Variants in SVIL observed in about 807,000 individuals in gnomAD.
The protein encoded by SVIL is supervillin.
A neutral mutation model predicts 240.4 loss-of-function variants in SVIL; 101 were observed. That is an observed-to-expected ratio of 0.42 (90% confidence interval 0.36 to 0.50). The LOEUF is 0.50. Ranked by LOEUF, SVIL falls within the 20% of genes least tolerant of loss-of-function variation. SVIL has a pLI of 0.01. For missense variants in SVIL, 2,512 were observed against 2,818.7 expected (o/e 0.89, Z 2.46); for synonymous variants, 999 against 1,100.0 (o/e 0.91, Z 1.82).
intron 4 of SVIL, 27 bp from the exon 5 acceptor site, chr10:29,554,961 G>A: frequency 6.2e-7 from 1 of 1,608,984 alleles, no homozygotes; most frequent in Non-Finnish European, 8.5e-7. Flanking sequence ...AAGAGGCAGA[G>A]TGAGCAACAG....
At chr10:29,526,330 G>A in intron 13 of SVIL, among the ~76,000 whole-genome samples, 1 of 111,982 alleles carries the variant, frequency 8.9e-6, no homozygotes, top group South Asian at 2.7e-4. Context: ...TTTTGAGACA[G>A]AGTCTTGCTC....
chr10:29,727,741 A>G (rs1435974077), intron 1 of SVIL, among the ~76,000 whole-genome samples: 3 of 21,904 alleles, frequency 1.4e-4, no homozygotes, highest in African/African-American at 3.7e-4. Flanking sequence ...TCGTGAACAC[A>G]AAAAAAAAAA....
At chr10:29,704,112 T>C (rs190004845) in intron 1 of SVIL, among the ~76,000 whole-genome samples, 1 of 152,240 alleles carries the variant, frequency 6.6e-6, no homozygotes, top group East Asian at 1.9e-4. Context: ...CTCAGGTGGG[T>C]TCTTGAACTG....
chr10:29,517,150 A>G (rs1310703737), intron 16 of SVIL, among the ~76,000 whole-genome samples: 1 of 152,020 alleles, frequency 6.6e-6, no homozygotes, highest in Non-Finnish European at 1.5e-5. Flanking sequence ...GGTGGCTCAC[A>G]CCTGTAATCC....
chr10:29,532,693 C>T lies in SVIL; in HGVS notation c.1674G>A (p.Gln558=). The T allele has an allele frequency of 1.9e-6, 3 of 1,614,212 alleles. No homozygotes were observed. Among genetic ancestry groups the T allele is most frequent in the Non-Finnish European group, 2.5e-6 (3 of 1,180,042 alleles). The stretch of plus-strand genomic sequence containing the variant: ...AAGCTGGGTCCTTATACTTCAAGGC[C>T]TGGAGCTGAGGGGGGCCTGTGAAAT... ...LSDFTGPPQL[Q]ALKYKDPASR... The change falls in exon 8 of 38, where the codon CAG becomes CAA. Residue 558 remains glutamine (Q), a synonymous_variant. Coordinates refer to ENST00000355867, the MANE Select transcript of SVIL (RefSeq NM_021738.3).
chr10:29,555,274 T>C (rs1006655830), intron 3 of SVIL, among the ~76,000 whole-genome samples, 166 bp from the exon 4 acceptor site: 24 of 151,718 alleles, frequency 1.6e-4, no homozygotes, highest in African/African-American at 5.8e-4. Flanking sequence ...AACTGTTTCC[T>C]AGTAGGGGAG....
At chr10:29,705,243 A>G (rs1482277498) in intron 1 of SVIL, among the ~76,000 whole-genome samples, 1 of 152,208 alleles carries the variant, frequency 6.6e-6, no homozygotes, top group East Asian at 1.9e-4. Flanking sequence ...ATTCACGGAC[A>G]AAAGGATAAA....
At chr10:29,598,285 G>T (rs1956674332) in intron 1 of SVIL, among the ~76,000 whole-genome samples, 1 of 152,160 alleles carries the variant, frequency 6.6e-6, no homozygotes, top group South Asian at 2.1e-4. Context: ...TTGGGAGATG[G>T]ATGGGGATGG....
chr10:29,674,582 G>T (rs1466205113), intron 2 of SVIL, among the ~76,000 whole-genome samples: 1 of 152,158 alleles, frequency 6.6e-6, no homozygotes, highest in African/African-American at 2.4e-5. Flanking sequence ...AAATAAATAA[G>T]AATGTCTCGC....
At chr10:29,549,278 C>T (rs61846600) in intron 6 of SVIL, among the ~76,000 whole-genome samples, 1 of 145,426 alleles carries the variant, frequency 6.9e-6, no homozygotes. Context: ...AAAATGCTCA[C>T]CATCACTGGC....
intron 6 of SVIL, chr10:29,545,074 G>A (rs2368392): frequency 0.28 from 151,988 of 533,674 alleles, 22,322 homozygotes; most frequent in African/African-American, 0.36. Context: ...ACACGAGAGC[G>A]TGGAAGGTCA....
intron 33 of SVIL, 152 bp from the exon 34 acceptor site, chr10:29,465,902 G>T (rs2132287321): frequency 1.1e-6 from 1 of 924,106 alleles, no homozygotes; most frequent in Non-Finnish European, 1.6e-6. Context: ...GCCTTTTCAA[G>T]TGCAATAGTA....
intron 1 of SVIL, among the ~76,000 whole-genome samples, chr10:29,604,559 T>TTTAC (rs1441411759): frequency 6.6e-6 from 1 of 150,436 alleles, no homozygotes. Context: ...TATTTATTTA[T>TTTAC]TTACTTACTT....
At chr10:29,498,650 A>C (rs1948642239) in intron 18 of SVIL, among the ~76,000 whole-genome samples, 1 of 152,190 alleles carries the variant, frequency 6.6e-6, no homozygotes, top group African/African-American at 2.4e-5. Context: ...CAGAACCTAC[A>C]CAAAAAACAT....
chr10:29,731,816 T>C (rs1964637305), intron 1 of SVIL, among the ~76,000 whole-genome samples: 1 of 152,230 alleles, frequency 6.6e-6, no homozygotes, highest in Non-Finnish European at 1.5e-5. Context: ...CCTTGTTTAC[T>C]GAACAAAGGC....
chr10:29,621,471 C>A (rs1436047793), intron 1 of SVIL, among the ~76,000 whole-genome samples: 4 of 152,246 alleles, frequency 2.6e-5, no homozygotes, highest in Non-Finnish European at 5.9e-5. Context: ...GGCTACCCCG[C>A]AGCGGGCCAA....
chr10:29,472,963 C>T (rs1217801432), intron 30 of SVIL, among the ~76,000 whole-genome samples: 3 of 152,100 alleles, frequency 2.0e-5, no homozygotes, highest in Non-Finnish European at 4.4e-5. Context: ...GGTAACATTT[C>T]AACAGAAACC....
At chr10:29,471,409 A>C (rs1417533085) in intron 30 of SVIL, among the ~76,000 whole-genome samples, 166 bp from the exon 31 acceptor site, 1 of 152,124 alleles carries the variant, frequency 6.6e-6, no homozygotes, top group African/African-American at 2.4e-5. Context: ...TGCCGTGTGC[A>C]GCCTCCTCTC....
rs61107910 is a variant in SVIL at position 29,714,948 on chromosome 10, T to TAA, written c.-400+20801_-400+20802dup. ...AACAAAGAAAGACCTTGTCTGAAAT[T>TAA]AAAAAAAAAAAAAAAAAAAGAAGAA... On this transcript the variant is annotated intron_variant, in intron 1 of 35. Coordinates refer to the SVIL transcript ENST00000375400. Among the ~76,000 whole-genome samples the TAA allele has an allele frequency of 7.1e-3, 556 of 78,444 alleles. 5 individuals carry two copies. Among genetic ancestry groups the TAA allele is most frequent in the African/African-American group, 0.021 (436 of 21,228 alleles). The allele number at this position is 78,444 out of a possible 152,430, so 51.5% of individuals were successfully genotyped here. A position where few individuals can be genotyped will look rare whatever the true frequency, so the allele number is the denominator to read the frequency against.
Sources: allele counts gnomAD v4.1 joint callset (sites outside exome capture counted in the v4.1 genomes callset), GRCh38; gene constraint gnomAD v4.1.1; transcripts MANE v1.5; gene names NCBI Gene and HGNC (gene_info 2026-07-23, HGNC 2026-07-21).